DIP2B: variants seen among roughly 807,000 people sequenced by gnomAD.
DIP2B encodes the protein DIP2 acetate--CoA ligase B (putative), also known as disco-interacting protein 2 homolog B.
A neutral mutation model predicts 198.0 loss-of-function variants in DIP2B; 76 were observed. That is an observed-to-expected ratio of 0.38 (90% CI 0.32 to 0.46). DIP2B has a LOEUF of 0.46. Among genes scored for constraint, DIP2B ranks in the 20% least tolerant of loss-of-function variants. DIP2B has a pLI of 0.99. For missense variants in DIP2B, 1,559 were observed against 1,978.4 expected (o/e 0.79, Z 4.02); for synonymous variants, 701 against 739.1 (o/e 0.95, Z 0.84).
intron 1 of DIP2B, among the ~76,000 whole-genome samples, chr12:50,577,656 AAAAC>A (rs1286393194): frequency 6.6e-6 from 1 of 151,666 alleles, no homozygotes; most frequent in African/African-American, 2.4e-5. Flanking sequence ...TATATTTTCT[AAAAC>A]AAAAAATAAT....
intron 1 of DIP2B, among the ~76,000 whole-genome samples, chr12:50,514,564 G>C (rs1399715901): frequency 6.6e-6 from 1 of 152,058 alleles, no homozygotes; most frequent in East Asian, 1.9e-4. Context: ...GAGATCTTGG[G>C]ATCTCACTTT....
chr12:50,702,806 T>C (rs576035958), intron 19 of DIP2B, among the ~76,000 whole-genome samples: 3 of 140,492 alleles, frequency 2.1e-5, no homozygotes, highest in Admixed American at 7.2e-5. Flanking sequence ...GTAAGAGACA[T>C]GAATAGGCTA....
At chr12:50,646,611 G>A (rs1297270193) in intron 3 of DIP2B, among the ~76,000 whole-genome samples, 2 of 152,062 alleles carry the variant, frequency 1.3e-5, no homozygotes, top group African/African-American at 2.4e-5. Context: ...TAATAAAGAT[G>A]AGGTTTCCCT....
chr12:50,521,434 CTGTT>C (rs968533659), intron 1 of DIP2B, among the ~76,000 whole-genome samples: 9 of 150,130 alleles, frequency 6.0e-5, no homozygotes, highest in African/African-American at 2.2e-4. Context: ...TAATTTGCCA[CTGTT>C]TGTTTCATTT....
intron 34 of DIP2B, among the ~76,000 whole-genome samples, chr12:50,736,322 C>T (rs904151928): frequency 2.6e-5 from 4 of 152,222 alleles, no homozygotes; most frequent in African/African-American, 4.8e-5. Context: ...ACCGTCTCAT[C>T]TCTTCCTTGA....
chr12:50,699,232 A>AT, intron 19 of DIP2B, 30 bp downstream of exon 19: 2 of 1,613,190 alleles, frequency 1.2e-6, no homozygotes, highest in Non-Finnish European at 1.7e-6. Flanking sequence ...CACAGGGAAA[A>AT]TGTTTGGGGA....
At chr12:50,605,243 T>C (rs1000541297) in intron 1 of DIP2B, among the ~76,000 whole-genome samples, 1 of 152,238 alleles carries the variant, frequency 6.6e-6, no homozygotes, top group Non-Finnish European at 1.5e-5. Context: ...CATAGTGTTA[T>C]GCAACCATCA....
At chr12:50,505,438 A>T (rs188170071) in intron 1 of DIP2B, among the ~76,000 whole-genome samples, 198 bp downstream of exon 1, 12 of 152,052 alleles carry the variant, frequency 7.9e-5, no homozygotes, top group Admixed American at 7.2e-4. Flanking sequence ...TTGTTTTCCC[A>T]TGGAGGGGAC....
chr12:50,707,046 A>G (rs905781450), intron 21 of DIP2B, among the ~76,000 whole-genome samples: 1 of 152,246 alleles, frequency 6.6e-6, no homozygotes, highest in Non-Finnish European at 1.5e-5. Context: ...AGGCATTTAC[A>G]TCTAAGAATT....
At chr12:50,709,101 C>T (rs975162189) in intron 22 of DIP2B, among the ~76,000 whole-genome samples, 4 of 152,196 alleles carry the variant, frequency 2.6e-5, no homozygotes, top group Non-Finnish European at 5.9e-5. Flanking sequence ...CTAGTCTTCA[C>T]TTAGAATCAT....
chr12:50,509,830 G>A (rs1043264259), intron 1 of DIP2B, among the ~76,000 whole-genome samples: 2 of 152,178 alleles, frequency 1.3e-5, no homozygotes, highest in African/African-American at 4.8e-5. Flanking sequence ...TCATAGATTC[G>A]TAGGATACAC....
At chr12:50,585,433 T>C (rs2139423817) in intron 1 of DIP2B, among the ~76,000 whole-genome samples, 1 of 152,310 alleles carries the variant, frequency 6.6e-6, no homozygotes, top group Admixed American at 6.5e-5. Context: ...GCTGCTCTTC[T>C]AGTCAGAGTG....
At chr12:50,606,224 G>C (rs1277195558) in intron 1 of DIP2B, among the ~76,000 whole-genome samples, 9 of 152,034 alleles carry the variant, frequency 5.9e-5, no homozygotes, top group Non-Finnish European at 1.0e-4. Flanking sequence ...GGGCACAAGT[G>C]ATCTTCCCAC....
In DIP2B at chr12:50,698,536, A is replaced by G. The variant is rs1417785192; in HGVS notation, c.2188+69A>G. ...CATCAGAGATAATAGAGCCTGATAA[A>G]ATACAGAATCCCAAACGAGGAACCC... On this transcript the variant is annotated intron_variant, in intron 18 of 37. Coordinates refer to ENST00000301180, the MANE Select transcript of DIP2B (RefSeq NM_173602.3). 4.5e-6 allele frequency: 7 copies of G among 1,541,290 alleles called. No homozygotes were observed. In the African/African-American group the frequency reaches 9.7e-5, roughly 21 times the overall value.
chr12:50,579,011 C>A (rs1254794632), intron 1 of DIP2B, among the ~76,000 whole-genome samples: 1 of 152,176 alleles, frequency 6.6e-6, no homozygotes, highest in South Asian at 2.1e-4. Context: ...CTAGTCCATG[C>A]ACTCACGGTA....
At chr12:50,558,520 A>C (rs890504536) in intron 1 of DIP2B, among the ~76,000 whole-genome samples, 6 of 152,204 alleles carry the variant, frequency 3.9e-5, no homozygotes, top group Non-Finnish European at 8.8e-5. Flanking sequence ...CACTGTTTGC[A>C]GCACTGTATT....
chr12:50,549,264 C>T (rs767213503), intron 1 of DIP2B, among the ~76,000 whole-genome samples: 1 of 151,536 alleles, frequency 6.6e-6, no homozygotes, highest in Admixed American at 6.6e-5. Context: ...GTCAAGAGAT[C>T]AAGACCATCC....
At chr12:50,561,818 A>T (rs1424026521) in intron 1 of DIP2B, among the ~76,000 whole-genome samples, 2 of 152,180 alleles carry the variant, frequency 1.3e-5, no homozygotes, top group East Asian at 3.8e-4. Flanking sequence ...CATGTTGGCC[A>T]GGGTGGTCTC....
At chr12:50,631,536 G>T (rs560978248) in intron 2 of DIP2B, among the ~76,000 whole-genome samples, 3 of 151,842 alleles carry the variant, frequency 2.0e-5, no homozygotes, top group African/African-American at 7.3e-5. Flanking sequence ...TGATTCAAGC[G>T]ATTCTTGTGC....
Sources: gnomAD v4.1 joint callset for allele counts (sites outside exome capture counted in the v4.1 genomes callset) on GRCh38, gnomAD v4.1.1 for gene constraint, MANE v1.5 for transcripts, NCBI Gene and HGNC (gene_info 2026-07-23, HGNC 2026-07-21) for gene names.